The following DPP10 variants were observed in gnomAD, a reference collection of about 807,000 sequenced individuals.
DPP10 encodes the protein dipeptidyl peptidase like 10.
In DPP10, 33 loss-of-function variants were observed where a neutral mutation model predicts 120.9. The observed-to-expected ratio is 0.27, with a 90% CI of 0.21 to 0.37. The LOEUF (loss-of-function observed/expected upper bound fraction) is 0.37, where lower values mean the gene tolerates loss of function less well. DPP10 is among the 10% of genes least tolerant of loss of function. DPP10 has a pLI of 1.00. For missense variants in DPP10, 816 were observed against 942.8 expected, an observed-to-expected ratio of 0.87 and a Z score of 1.76; for synonymous variants, 337 against 326.1, an observed-to-expected ratio of 1.03 and a Z score of -0.36.
At chr2:115,644,587 G>A (rs937834977) in intron 5 of DPP10, among the ~76,000 whole-genome samples, 6 of 151,042 alleles carry the variant, frequency 4.0e-5, no homozygotes, top group East Asian at 3.9e-4. Context: ...CCTGGGCAGC[G>A]TAGAGACACT....
chr2:114,785,974 T>C (rs1682732602), intron 1 of DPP10, among the ~76,000 whole-genome samples: 1 of 152,194 alleles, frequency 6.6e-6, no homozygotes. Context: ...GATTTAAAAA[T>C]GGCTTGTTTC....
intron 3 of DPP10, among the ~76,000 whole-genome samples, chr2:115,344,999 A>C (rs2106266882): frequency 6.6e-6 from 1 of 152,326 alleles, no homozygotes; most frequent in Middle Eastern, 3.4e-3. Flanking sequence ...TATAAAGAGA[A>C]TGTAATTTAA....
At chr2:115,106,109 G>A (rs2048933382) in intron 1 of DPP10, among the ~76,000 whole-genome samples, 1 of 152,158 alleles carries the variant, frequency 6.6e-6, no homozygotes, top group Admixed American at 6.5e-5. Flanking sequence ...TCATTGTGAT[G>A]GCCTACTGTA....
Position 115,845,012 on chromosome 2 carries a change from G to A in DPP10, c.*2667G>A, listed in dbSNP as rs1298654086. ...CTGAAAATGTGCCTTTTTTTAATTG[G>A]GTGTTTAGCATAAAAATCACTATTG... On this transcript the variant is annotated 3_prime_UTR_variant, in exon 26 of 26. Transcript: ENST00000410059. 3.9e-5 allele frequency: 6 copies of A among 151,942 alleles called. No homozygotes were observed. Among genetic ancestry groups the A allele is most frequent in the Non-Finnish European group, 7.4e-5 (5 of 67,992 alleles). 9.4% of individuals were successfully genotyped at this position (151,942 alleles called of 1,614,324 possible).
intron 7 of DPP10, among the ~76,000 whole-genome samples, chr2:115,700,942 A>G (rs73946598): frequency 1.3e-5 from 2 of 152,244 alleles, no homozygotes; most frequent in African/African-American, 4.8e-5. Context: ...AAATTAAAGG[A>G]CACATAATAA....
intron 1 of DPP10, among the ~76,000 whole-genome samples, chr2:115,250,345 A>G (rs551932652): frequency 1.3e-5 from 2 of 152,330 alleles, no homozygotes; most frequent in African/African-American, 4.8e-5. Flanking sequence ...CTGAAATACA[A>G]ATGCTGCCTT....
At chr2:114,603,197 A>G (rs1054906594) in intron 1 of DPP10, among the ~76,000 whole-genome samples, 13 of 152,102 alleles carry the variant, frequency 8.5e-5, no homozygotes, top group African/African-American at 3.1e-4. Flanking sequence ...GCCAGACTCT[A>G]TATTACATAC....
intron 19 of DPP10, among the ~76,000 whole-genome samples, chr2:115,798,699 TA>T (rs1684820838): frequency 1.3e-5 from 2 of 152,094 alleles, no homozygotes; most frequent in African/African-American, 4.8e-5. Flanking sequence ...AACTAATAAT[TA>T]TTGTATTTTT....
At chr2:115,548,219 A>C (rs966580881) in intron 5 of DPP10, among the ~76,000 whole-genome samples, 1 of 152,174 alleles carries the variant, frequency 6.6e-6, no homozygotes, top group Non-Finnish European at 1.5e-5. Flanking sequence ...AGATATTTAA[A>C]TCTTCTGGGA....
At chr2:115,448,004 A>G (rs2072767699) in intron 3 of DPP10, among the ~76,000 whole-genome samples, 2 of 152,240 alleles carry the variant, frequency 1.3e-5, no homozygotes, top group Admixed American at 6.5e-5. Context: ...AGAGTACAGA[A>G]GTTTGTTAGA....
intron 3 of DPP10, among the ~76,000 whole-genome samples, chr2:115,379,528 AG>A (rs1429625100): frequency 6.6e-6 from 1 of 151,946 alleles, no homozygotes; most frequent in Non-Finnish European, 1.5e-5. Context: ...GATTTTTTGA[AG>A]GGTTTTTTGT....
chr2:115,628,979 C>T lies in DPP10; in HGVS notation c.442-60708C>T, dbSNP rs1040087134. Among the ~76,000 whole-genome samples, 127 of 152,198 alleles carry T rather than the reference C, an allele frequency of 8.3e-4. 1 individual carries two copies. The highest frequency in any genetic ancestry group is 1.4e-3 in the Admixed American group (21 of 15,290). On this transcript the variant is annotated intron_variant, in intron 5 of 25. Transcript: ENST00000410059. ...ATCCTTCCCCCTTCCCCCTACCCCACGACAGGCCCCAGTGTGTGATGTTCC... is the reference window on the plus strand; with the variant it reads ...ATCCTTCCCCCTTCCCCCTACCCCATGACAGGCCCCAGTGTGTGATGTTCC...
intron 1 of DPP10, among the ~76,000 whole-genome samples, chr2:114,576,084 C>T (rs933150663): frequency 6.6e-6 from 1 of 152,068 alleles, no homozygotes; most frequent in East Asian, 1.9e-4. Context: ...TGCTGGTTAC[C>T]CCCAATGTAG....
At chr2:115,729,377 C>T (rs761981812) in intron 8 of DPP10, among the ~76,000 whole-genome samples, 1 of 152,128 alleles carries the variant, frequency 6.6e-6, no homozygotes, top group Admixed American at 6.6e-5. Context: ...CATGTTAATG[C>T]AGTGTGGTAA....
intron 5 of DPP10, among the ~76,000 whole-genome samples, chr2:115,590,651 A>C (rs1422107582): frequency 3.3e-5 from 5 of 152,246 alleles, no homozygotes; most frequent in African/African-American, 4.8e-5. Context: ...TCTTTATAGC[A>C]GCATGATTTA....
At chr2:114,452,316 T>C (rs1306500125) in intron 1 of DPP10, among the ~76,000 whole-genome samples, 4 of 152,182 alleles carry the variant, frequency 2.6e-5, no homozygotes, top group Non-Finnish European at 5.9e-5. Context: ...ATGTTGTCTT[T>C]AATAAAGATA....
chr2:114,533,376 T>G lies in DPP10; in HGVS notation c.60+90538T>G, dbSNP rs904895874. Among the ~76,000 whole-genome samples, 44 of 152,136 alleles carry G rather than the reference T, an allele frequency of 2.9e-4. 2 individuals are homozygous for G. The highest frequency in any genetic ancestry group is 1.5e-5 in the Non-Finnish European group (1 of 68,036). On this transcript the variant is annotated intron_variant, in intron 1 of 25. Transcript: ENST00000410059. Reference sequence around the variant, plus strand: ...TTACTATTATCGTAGAGCTCATATTTGAGTCACTTCTTAAGAAAGGAAAAG... The same window carrying G: ...TTACTATTATCGTAGAGCTCATATTGGAGTCACTTCTTAAGAAAGGAAAAG...
chr2:114,584,611 T>G (rs1256695545), intron 1 of DPP10, among the ~76,000 whole-genome samples: 1 of 144,954 alleles, frequency 6.9e-6, no homozygotes, highest in Non-Finnish European at 1.5e-5. Context: ...TGTTCTCATT[T>G]TTCATTTCCC....
chr2:114,456,556 C>T (rs751383758), intron 1 of DPP10, among the ~76,000 whole-genome samples: 4 of 152,108 alleles, frequency 2.6e-5, no homozygotes, highest in African/African-American at 7.2e-5. Flanking sequence ...ATAAGACACA[C>T]ATACTTATTA....
Sources: allele counts gnomAD v4.1 joint callset (sites outside exome capture counted in the v4.1 genomes callset), GRCh38; gene constraint gnomAD v4.1.1; transcripts MANE v1.5; gene names NCBI Gene and HGNC (gene_info 2026-07-23, HGNC 2026-07-21).